Variants in STX7 observed in about 807,000 individuals in gnomAD.
STX7 encodes the protein syntaxin-7.
STX7 carries 34 observed loss-of-function variants against 39.6 expected under a neutral mutation model. The observed-to-expected ratio is 0.86, with a 90% confidence interval of 0.65 to 1.14. The LOEUF is 1.14. Ranked by LOEUF, STX7 falls within the 50% of genes most tolerant of loss-of-function variation. STX7 has a pLI of 0.00. For synonymous variants in STX7, 119 were observed against 99.1 expected, an observed-to-expected ratio of 1.20 and a Z score of -1.19; for missense variants, 284 against 310.4, an observed-to-expected ratio of 0.92 and a Z score of 0.64.
At position 132,447,927 on chromosome 6, in the gene STX7, A is replaced by G. The variant is rs1421775361; in HGVS notation, c.*12831T>C. 1.3e-5 allele frequency: 2 copies of G among 151,336 alleles called. No individual in the cohort carries two copies. Among genetic ancestry groups the G allele is most frequent in the Non-Finnish European group, 1.5e-5 (1 of 67,856 alleles). 9.4% of individuals were successfully genotyped at this position (151,336 alleles called of 1,614,324 possible). ...TTCTATGCTTTTTCTTCCTTCTTGC[A>G]TTTTTGTGGTCTATCAAAGTTGGGA... On this transcript the variant is annotated 3_prime_UTR_variant, in exon 10 of 10. Transcript: ENST00000367941.
rs1774020448 is a variant in STX7 at position 132,446,656 on chromosome 6, A to G, written c.*14102T>C. On this transcript the variant is annotated 3_prime_UTR_variant, in exon 10 of 10. Transcript: ENST00000367941. ...ACCCAAGCTTGTGTCTTTGTCTCGA[A>G]GCTGTATCTTCCATCACAGTATTAA... The G allele has an allele frequency of 6.6e-6, 1 of 152,178 alleles. No individual in the cohort carries two copies. The highest frequency in any genetic ancestry group is 1.5e-5 in the Non-Finnish European group (1 of 68,026). The allele number at this position is 152,178 out of a possible 1,614,324, so 9.4% of individuals were successfully genotyped here.
rs140770640 is a variant in STX7, at chr6:132,466,447, T to A, written c.610+1956A>T. 9.2e-4 allele frequency among the ~76,000 whole-genome samples: 140 copies of A among 152,348 alleles called. 2 individuals carry two copies. Among genetic ancestry groups the A allele is most frequent in the African/African-American group, 3.2e-3 (132 of 41,574 alleles). ...GAAAATGAATAAGCTTTGTGGGTTGTATGATCTCTGTTACAAGTATTCAGC... is the reference window on the plus strand; with the variant it reads ...GAAAATGAATAAGCTTTGTGGGTTGAATGATCTCTGTTACAAGTATTCAGC... On this transcript the variant is annotated intron_variant, in intron 8 of 9. Coordinates refer to ENST00000367941, the MANE Select transcript of STX7 (RefSeq NM_003569.3).
At chr6:132,508,165 A>T (rs760330296) in intron 1 of STX7, among the ~76,000 whole-genome samples, 6 of 152,228 alleles carry the variant, frequency 3.9e-5, no homozygotes, top group Non-Finnish European at 7.3e-5. Flanking sequence ...GCACAAGACC[A>T]AGAGAAACTC....
At chr6:132,508,725 TG>T (rs1450530919) in intron 1 of STX7, among the ~76,000 whole-genome samples, 1 of 150,480 alleles carries the variant, frequency 6.6e-6, no homozygotes, top group Non-Finnish European at 1.5e-5. Context: ...TTGCCCAGAC[TG>T]GTCTTGAACT....
chr6:132,509,572 G>A (rs1775798113), intron 1 of STX7, among the ~76,000 whole-genome samples: 1 of 152,064 alleles, frequency 6.6e-6, no homozygotes, highest in Non-Finnish European at 1.5e-5. Flanking sequence ...TGCCCCATAT[G>A]AAGTTTTGCT....
chr6:132,507,480 C>T (rs948529824), intron 1 of STX7, among the ~76,000 whole-genome samples: 2 of 152,218 alleles, frequency 1.3e-5, no homozygotes, highest in African/African-American at 2.4e-5. Flanking sequence ...TCCCCAACCT[C>T]ACTGGCCAAA....
At chr6:132,475,976 T>C (rs779539952) in intron 2 of STX7, among the ~76,000 whole-genome samples, 2 of 152,148 alleles carry the variant, frequency 1.3e-5, no homozygotes, top group Non-Finnish European at 2.9e-5. Context: ...ACTTTAACAC[T>C]ACTAGCATAA....
At chr6:132,466,760 A>C (rs1221872991) in intron 8 of STX7, among the ~76,000 whole-genome samples, 1 of 152,170 alleles carries the variant, frequency 6.6e-6, no homozygotes, top group Non-Finnish European at 1.5e-5. Flanking sequence ...GGGGCACCTC[A>C]AACTTAACAT....
At chr6:132,501,138 C>G (rs1243837115) in intron 2 of STX7, among the ~76,000 whole-genome samples, 1 of 151,894 alleles carries the variant, frequency 6.6e-6, no homozygotes, top group Non-Finnish European at 1.5e-5. Context: ...CTGCAACCTC[C>G]GCCTCCCAGG....
chr6:132,500,884 T>C (rs1263668890), intron 2 of STX7, among the ~76,000 whole-genome samples: 1 of 152,134 alleles, frequency 6.6e-6, no homozygotes, highest in Non-Finnish European at 1.5e-5. Flanking sequence ...CCTTAACAAC[T>C]TGGATTATTC....
intron 9 of STX7, among the ~76,000 whole-genome samples, chr6:132,463,227 T>C (rs1774462227): frequency 6.6e-6 from 1 of 151,640 alleles, no homozygotes; most frequent in Non-Finnish European, 1.5e-5. Context: ...GTTAATAAGG[T>C]CAAGAAAATG....
At chr6:132,504,718 T>C (rs1037278649) in intron 1 of STX7, among the ~76,000 whole-genome samples, 7 of 152,024 alleles carry the variant, frequency 4.6e-5, no homozygotes, top group African/African-American at 1.7e-4. Flanking sequence ...AAGTTAATAA[T>C]GCAAACCAAC....
chr6:132,509,875 G>A (rs552025764), intron 1 of STX7, among the ~76,000 whole-genome samples: 1 of 152,318 alleles, frequency 6.6e-6, no homozygotes, highest in South Asian at 2.1e-4. Flanking sequence ...TCAGATGTCT[G>A]CTTTCCACAT....
At chr6:132,478,301 C>T (rs1774926047) in intron 2 of STX7, among the ~76,000 whole-genome samples, 1 of 152,046 alleles carries the variant, frequency 6.6e-6, no homozygotes, top group Admixed American at 6.6e-5. Flanking sequence ...CAAACAAGTA[C>T]ACCACATGAA....
intron 4 of STX7, 44 bp from the exon 5 acceptor site, chr6:132,471,644 A>G (rs767877837): frequency 1.3e-6 from 2 of 1,597,238 alleles, no homozygotes; most frequent in South Asian, 2.3e-5. Flanking sequence ...CTAGCTGTGA[A>G]GTTCAACTGA....
At chr6:132,479,475 G>C (rs1294173012) in intron 2 of STX7, among the ~76,000 whole-genome samples, 1 of 152,174 alleles carries the variant, frequency 6.6e-6, no homozygotes, top group Non-Finnish European at 1.5e-5. Context: ...GCCCTGGATA[G>C]AATAAACAAT....
At chr6:132,476,992 T>C (rs560999219) in intron 2 of STX7, among the ~76,000 whole-genome samples, 1 of 152,246 alleles carries the variant, frequency 6.6e-6, no homozygotes. Context: ...TTAAAACTAT[T>C]CATTATTTAC....
Position 132,470,569 on chromosome 6 carries a change from C to T in STX7, c.440+5G>A. On this transcript the variant is annotated splice_donor_5th_base_variant and intron_variant, in intron 6 of 9. Transcript: ENST00000367941. The stretch of plus-strand genomic sequence containing the variant: ...TTGATCTGTAAAATGTTTTGTATTT[C>T]TTACCTTTCCCAGGATACAAGATTC... 6.2e-7 allele frequency: 1 copy of T among 1,600,528 alleles called. No homozygotes were observed. Among genetic ancestry groups the T allele is most frequent in the East Asian group, 2.2e-5 (1 of 44,486 alleles).
intron 3 of STX7, 68 bp downstream of exon 3, chr6:132,475,525 G>T: frequency 8.7e-7 from 1 of 1,152,538 alleles, no homozygotes; most frequent in Non-Finnish European, 1.2e-6. Flanking sequence ...ACTACATACT[G>T]TAAAAGCAAC....
Sources: gnomAD v4.1 joint callset for allele counts (sites outside exome capture counted in the v4.1 genomes callset) on GRCh38, gnomAD v4.1.1 for gene constraint, MANE v1.5 for transcripts, NCBI Gene and HGNC (gene_info 2026-07-23, HGNC 2026-07-21) for gene names.